Variants in CYP2C18 observed in about 807,000 individuals in gnomAD.
The protein encoded by CYP2C18 is cytochrome P450 family 2 subfamily C member 18.
Under a neutral mutation model 41.3 loss-of-function variants are expected in CYP2C18, and 38 were observed. That is an observed-to-expected ratio of 0.92 (90% confidence interval 0.71 to 1.21). CYP2C18 has a LOEUF of 1.21. Ranked by LOEUF, CYP2C18 falls within the 50% of genes most tolerant of loss-of-function variation. The pLI is 0.00. For synonymous variants in CYP2C18, 236 were observed against 210.0 expected (o/e 1.12, Z -1.07); for missense variants, 635 against 591.4 (o/e 1.07, Z -0.77).
Position 94,706,937 on chromosome 10 carries a change from T to G in CYP2C18, c.796T>G (p.Cys266Gly). Residue 266 changes from cysteine to glycine, a missense_variant, in exon 5 of 9, where the codon TGT becomes GGT. Transcript: ENST00000285979. ...GAACAGTGCTCGGGACTTTATTGAT[T>G]GTTTCCTGATCAAAATGGAACAGGT... is the stretch of plus-strand genomic sequence containing the variant. ...DMNSARDFID[C>G]FLIKMEQEKH... 6.2e-7 allele frequency: 1 copy of G among 1,607,808 alleles called. No individual in the cohort carries two copies. Among genetic ancestry groups the G allele is most frequent in the Non-Finnish European group, 8.5e-7 (1 of 1,178,300 alleles).
chr10:94,732,010 G>A (rs1179081852), intron 7 of CYP2C18, among the ~76,000 whole-genome samples: 1 of 152,074 alleles, frequency 6.6e-6, no homozygotes, highest in Non-Finnish European at 1.5e-5. Flanking sequence ...AAGAGCTTCT[G>A]CATAACAAAA....
intron 4 of CYP2C18, among the ~76,000 whole-genome samples, chr10:94,703,595 T>G (rs1326781982): frequency 6.6e-6 from 1 of 152,064 alleles, no homozygotes; most frequent in Non-Finnish European, 1.5e-5. Context: ...CCATCAAGCT[T>G]GAGCATCCGA....
At chr10:94,691,410 A>G (rs1363120937) in intron 3 of CYP2C18, among the ~76,000 whole-genome samples, 1 of 152,118 alleles carries the variant, frequency 6.6e-6, no homozygotes, top group Non-Finnish European at 1.5e-5. Context: ...TCATGAGTGA[A>G]CTCCCATTCA....
At chr10:94,696,897 T>G (rs1041907228) in intron 4 of CYP2C18, among the ~76,000 whole-genome samples, 1 of 151,972 alleles carries the variant, frequency 6.6e-6, no homozygotes, top group South Asian at 2.1e-4. Flanking sequence ...AAGATCAAAT[T>G]AATGAAATGA....
intron 7 of CYP2C18, among the ~76,000 whole-genome samples, chr10:94,726,838 C>T (rs992775754): frequency 2.0e-5 from 3 of 151,918 alleles, no homozygotes; most frequent in South Asian, 2.1e-4. Flanking sequence ...CCACTTGAAG[C>T]GAGTACATAT....
intron 4 of CYP2C18, among the ~76,000 whole-genome samples, chr10:94,697,199 T>G (rs954507596): frequency 1.3e-5 from 2 of 151,948 alleles, no homozygotes; most frequent in East Asian, 1.9e-4. Flanking sequence ...GAAGTTGAAA[T>G]GAAGGAAAAA....
At chr10:94,701,360 A>G (rs755519364) in intron 4 of CYP2C18, among the ~76,000 whole-genome samples, 3 of 152,172 alleles carry the variant, frequency 2.0e-5, no homozygotes, top group Non-Finnish European at 4.4e-5. Context: ...TCAGCAAACT[A>G]TCGCAAGGAC....
At chr10:94,716,087 A>T (rs548569107) in intron 5 of CYP2C18, among the ~76,000 whole-genome samples, 1 of 152,128 alleles carries the variant, frequency 6.6e-6, no homozygotes, top group East Asian at 1.9e-4. Flanking sequence ...CTTCTTTATT[A>T]GTCTTGCTAG....
intron 4 of CYP2C18, among the ~76,000 whole-genome samples, chr10:94,696,098 C>T (rs1267380251): frequency 6.6e-6 from 1 of 152,136 alleles, no homozygotes; most frequent in African/African-American, 2.4e-5. Flanking sequence ...ACTCTGCAGA[C>T]TTAAATGTCC....
At chr10:94,707,042 A>C in intron 5 of CYP2C18, 82 bp downstream of exon 5, 2 of 1,148,482 alleles carry the variant, frequency 1.7e-6, no homozygotes, top group Non-Finnish European at 2.5e-6. Flanking sequence ...GGCAAGAAAC[A>C]CTTCATGAGC....
intron 7 of CYP2C18, among the ~76,000 whole-genome samples, chr10:94,726,168 G>C (rs1490848855): frequency 3.3e-5 from 5 of 151,542 alleles, no homozygotes; most frequent in Admixed American, 1.3e-4. Context: ...TTCAGAATTA[G>C]ATATCAACAC....
At chr10:94,694,355 A>AT (rs1355518013) in intron 3 of CYP2C18, among the ~76,000 whole-genome samples, 1 of 151,998 alleles carries the variant, frequency 6.6e-6, no homozygotes, top group Non-Finnish European at 1.5e-5. Context: ...TTTGTGTTAG[A>AT]TTTTTTCTTG....
Position 94,683,899 on chromosome 10 carries a change from G to T in CYP2C18, c.80G>T (p.Gly27Val). The change falls in exon 1 of 9, where the codon GGG becomes GTG. Residue 27 changes from glycine (G) to valine (V), a missense_variant. Physicochemically the swap from Gly to Val is moderately radical, Grantham distance 109. Coordinates refer to ENST00000285979, the MANE Select transcript of CYP2C18 (RefSeq NM_000772.3). ...LSLWRQSSGR[G>V]RLPSGPTPLP... ...CTCTGGAGGCAGAGCTCTGGAAGAG[G>T]GAGGCTCCCGTCTGGCCCCACTCCT... 6.2e-7 allele frequency: 1 copy of T among 1,611,476 alleles called. No homozygotes were observed. Among genetic ancestry groups the T allele is most frequent in the Non-Finnish European group, 8.5e-7 (1 of 1,178,708 alleles).
At chr10:94,697,586 A>C (rs1847142957) in intron 4 of CYP2C18, among the ~76,000 whole-genome samples, 3 of 152,218 alleles carry the variant, frequency 2.0e-5, no homozygotes. Flanking sequence ...CGAGCAAAAT[A>C]ACCAACTAAC....
At chr10:94,701,927 A>G (rs1847253623) in intron 4 of CYP2C18, among the ~76,000 whole-genome samples, 1 of 152,232 alleles carries the variant, frequency 6.6e-6, no homozygotes, top group African/African-American at 2.4e-5. Context: ...TTACAGAAAC[A>G]GGCTTAATTT....
At chr10:94,690,753 G>A (rs1266953799) in intron 3 of CYP2C18, among the ~76,000 whole-genome samples, 2 of 152,160 alleles carry the variant, frequency 1.3e-5, no homozygotes, top group African/African-American at 2.4e-5. Flanking sequence ...TATCCTTGGT[G>A]AACATTGATG....
chr10:94,728,973 G>A (rs1240794570), intron 7 of CYP2C18, among the ~76,000 whole-genome samples: 1 of 152,000 alleles, frequency 6.6e-6, no homozygotes, highest in African/African-American at 2.4e-5. Context: ...GCCTCGGGAG[G>A]GGACCCGCTT....
At chr10:94,704,351 A>G (rs1847300029) in intron 4 of CYP2C18, among the ~76,000 whole-genome samples, 1 of 149,046 alleles carries the variant, frequency 6.7e-6, no homozygotes, top group African/African-American at 2.5e-5. Flanking sequence ...TCTGAAGGCT[A>G]TAGCTTCCTT....
chr10:94,733,576 G>C, intron 8 of CYP2C18, 138 bp downstream of exon 8: 1 of 1,462,112 alleles, frequency 6.8e-7, no homozygotes, highest in Non-Finnish European at 9.0e-7. Context: ...ATGCCCATGC[G>C]ATTTCCCTGC....
Sources: gnomAD v4.1 joint callset for allele counts (sites outside exome capture counted in the v4.1 genomes callset) on GRCh38, gnomAD v4.1.1 for gene constraint, MANE v1.5 for transcripts, NCBI Gene and HGNC (gene_info 2026-07-23, HGNC 2026-07-21) for gene names.